Variants in RBFOX1 observed in about 807,000 individuals in gnomAD.
RBFOX1 encodes RNA binding fox-1 homolog 1, also known as RNA binding protein fox-1 homolog 1.
Under a neutral mutation model 57.7 loss-of-function variants are expected in RBFOX1, and 8 were observed. The observed-to-expected ratio is 0.14, with a 90% CI of 0.08 to 0.25. The LOEUF is 0.25. Among genes scored for constraint, RBFOX1 ranks in the 10% least tolerant of loss-of-function variants. RBFOX1 has a pLI of 1.00. For synonymous variants in RBFOX1, 326 were observed against 222.4 expected (o/e 1.47, Z -4.15); for missense variants, 611 against 548.5 (o/e 1.11, Z -1.14).
chr16:7,183,342 T>A (rs2083102588), intron 4 of RBFOX1, among the ~76,000 whole-genome samples: 1 of 152,134 alleles, frequency 6.6e-6, no homozygotes, highest in African/African-American at 2.4e-5. Context: ...GATCTCAAAT[T>A]TGACAGAAGA....
chr16:7,268,780 T>G (rs1029057491), intron 4 of RBFOX1, among the ~76,000 whole-genome samples: 8 of 152,024 alleles, frequency 5.3e-5, no homozygotes, highest in Non-Finnish European at 7.4e-5. Flanking sequence ...ACGCCTGTAA[T>G]CACAGCACTT....
intron 2 of RBFOX1, among the ~76,000 whole-genome samples, chr16:5,472,806 C>G (rs1415075476): frequency 6.6e-6 from 1 of 152,206 alleles, no homozygotes; most frequent in Admixed American, 6.5e-5. Context: ...GATTTGCCAT[C>G]TGATCCTCCA....
At chr16:6,316,263 A>G (rs2081113471) in intron 1 of RBFOX1, among the ~76,000 whole-genome samples, 1 of 151,946 alleles carries the variant, frequency 6.6e-6, no homozygotes, top group South Asian at 2.1e-4. Flanking sequence ...CTCTCTTTCA[A>G]CTCACTGAAC....
chr16:7,709,168 G>A, intron 15 of RBFOX1, 37 bp downstream of exon 15: 5 of 1,554,026 alleles, frequency 3.2e-6, no homozygotes, highest in South Asian at 1.1e-5. Context: ...ACTTCCTCCT[G>A]CCTCCCTTCC....
chr16:6,146,083 C>G (rs144034780), intron 1 of RBFOX1, among the ~76,000 whole-genome samples: 2 of 152,256 alleles, frequency 1.3e-5, no homozygotes, highest in East Asian at 3.9e-4. Context: ...AAGCTGTGTT[C>G]TAACTATGGT....
At chr16:6,273,510 A>C (rs2152681015) in intron 1 of RBFOX1, among the ~76,000 whole-genome samples, 1 of 151,726 alleles carries the variant, frequency 6.6e-6, no homozygotes, top group African/African-American at 2.4e-5. Flanking sequence ...ATGTCCAGCT[A>C]ATTTTTTTGT....
chr16:7,158,572 TTGTG>T (rs1343589183), intron 4 of RBFOX1, among the ~76,000 whole-genome samples: 1 of 151,814 alleles, frequency 6.6e-6, no homozygotes, highest in Non-Finnish European at 1.5e-5. Flanking sequence ...TGGTGTGTGT[TTGTG>T]TGGTGTGTAT....
chr16:5,431,884 G>A (rs1297676636), intron 1 of RBFOX1, among the ~76,000 whole-genome samples: 2 of 152,022 alleles, frequency 1.3e-5, no homozygotes, highest in Admixed American at 6.6e-5. Context: ...TTCACGGAGC[G>A]GTACCTTCCC....
chr16:6,584,242 G>A (rs1222317964), intron 2 of RBFOX1, among the ~76,000 whole-genome samples: 1 of 151,524 alleles, frequency 6.6e-6, no homozygotes, highest in Non-Finnish European at 1.5e-5. Context: ...ATCAAAGGTA[G>A]TACTCTGAGT....
intron 3 of RBFOX1, among the ~76,000 whole-genome samples, chr16:5,708,331 A>G (rs958507385): frequency 6.6e-6 from 1 of 152,202 alleles, no homozygotes; most frequent in African/African-American, 2.4e-5. Context: ...ACAAAAAGAC[A>G]TAGTCCTGCC....
intron 4 of RBFOX1, among the ~76,000 whole-genome samples, chr16:7,095,380 G>A (rs1014960051): frequency 1.3e-5 from 2 of 151,986 alleles, no homozygotes; most frequent in Non-Finnish European, 2.9e-5. Flanking sequence ...TCAGGTAATC[G>A]ACCTGCCTCA....
intron 1 of RBFOX1, among the ~76,000 whole-genome samples, chr16:6,071,107 G>A (rs1462158123): frequency 1.3e-5 from 2 of 152,166 alleles, no homozygotes. Flanking sequence ...CAGATTGCCT[G>A]AGCACAGGAG....
At chr16:5,539,165 G>A (rs2044827780) in intron 2 of RBFOX1, among the ~76,000 whole-genome samples, 1 of 152,178 alleles carries the variant, frequency 6.6e-6, no homozygotes, top group African/African-American at 2.4e-5. Context: ...CAGGGAAAGT[G>A]CAGGAAGTGC....
chr16:7,126,698 A>G (rs955009226), intron 4 of RBFOX1: 6 of 151,946 alleles, frequency 3.9e-5, no homozygotes, highest in African/African-American at 1.2e-4. Context: ...GTATATATAT[A>G]TAATATTCGT....
chr16:5,894,743 C>G (rs984116539), intron 4 of RBFOX1, among the ~76,000 whole-genome samples: 2 of 151,970 alleles, frequency 1.3e-5, no homozygotes, highest in Admixed American at 1.3e-4. Flanking sequence ...TCTACAGGGC[C>G]AGGCGTGGTG....
At chr16:5,600,843 C>T (rs1206911069), downstream of RBFOX1, among the ~76,000 whole-genome samples, 1 of 152,110 alleles carries the variant, frequency 6.6e-6, no homozygotes, top group Non-Finnish European at 1.5e-5. Flanking sequence ...TTTCAGTTGA[C>T]CAAATGTTTG....
chr16:5,249,943 G>C (rs111386325), intron 1 of RBFOX1, among the ~76,000 whole-genome samples: 21,157 of 151,164 alleles, frequency 0.14, 1,797 homozygotes, highest in East Asian at 0.31. Flanking sequence ...CAGTGAGGAG[G>C]AGGTTACAGT....
At chr16:6,380,458 G>T (rs2091693293) in intron 2 of RBFOX1, among the ~76,000 whole-genome samples, 1 of 112,900 alleles carries the variant, frequency 8.9e-6, no homozygotes. Flanking sequence ...GTAGAACTCA[G>T]CAGCTTGGGT....
intron 3 of RBFOX1, among the ~76,000 whole-genome samples, chr16:6,886,648 A>C (rs1405491887): frequency 6.6e-6 from 1 of 151,910 alleles, no homozygotes; most frequent in Non-Finnish European, 1.5e-5. Flanking sequence ...CTAGCTGCTC[A>C]GGAGGCTGAG....
Sources: gnomAD v4.1 joint callset for allele counts (sites outside exome capture counted in the v4.1 genomes callset) on GRCh38, gnomAD v4.1.1 for gene constraint, MANE v1.5 for transcripts, NCBI Gene and HGNC (gene_info 2026-07-23, HGNC 2026-07-21) for gene names.